The following NLRP10 variants were observed in gnomAD, a reference collection of about 807,000 sequenced individuals.
NLRP10 encodes NACHT, LRR and PYD domains-containing protein 10.
NLRP10 carries 7 observed loss-of-function variants against 8.2 expected under a neutral mutation model. That is an observed-to-expected ratio of 0.85 (90% CI 0.48 to 1.60). NLRP10 has a LOEUF of 1.60. Among genes scored for constraint, NLRP10 ranks in the 40% most tolerant of loss-of-function variants. NLRP10 has a pLI of 0.00. For missense variants in NLRP10, 814 were observed against 776.3 expected, an observed-to-expected ratio of 1.05 and a Z score of -0.58; for synonymous variants, 338 against 314.0, an observed-to-expected ratio of 1.08 and a Z score of -0.81.
At chr11:7,964,905 A>G (rs1941794996) in intron 1 of NLRP10, among the ~76,000 whole-genome samples, 1 of 152,256 alleles carries the variant, frequency 6.6e-6, no homozygotes, top group South Asian at 2.1e-4. Context: ...AACCCATCTC[A>G]GTAGTACAAT....
At chr11:7,963,601 C>G in intron 1 of NLRP10, 61 bp from the exon 2 acceptor site, 1 of 1,019,458 alleles carries the variant, frequency 9.8e-7, no homozygotes, top group Non-Finnish European at 1.4e-6. Context: ...TTTCTGGGGG[C>G]TTGGCCAAGT....
intron 2 of NLRP10, among the ~76,000 whole-genome samples, chr11:7,961,726 A>G (rs998023430): frequency 6.6e-6 from 1 of 152,178 alleles, no homozygotes; most frequent in Non-Finnish European, 1.5e-5. Flanking sequence ...GTTCATGTGA[A>G]ATGTCTCCAT....
At position 7,961,015 on chromosome 11, in the gene NLRP10, C is replaced by T. The variant is rs1163143220; in HGVS notation, c.597G>A (p.Arg199=). ...DWATGTLYPG[R]FDYVFYVSCK... ...AGCTTACATAAAAGACATAATCAAACCGGCCTGGGTACAGAGTACCGGTGG... is the reference window on the plus strand; with the variant it reads ...AGCTTACATAAAAGACATAATCAAATCGGCCTGGGTACAGAGTACCGGTGG... The change falls in exon 3 of 3, where the codon CGG becomes CGA. Residue 199 remains arginine, a synonymous_variant. Transcript: ENST00000691676. The T allele has an allele frequency of 2.5e-6, 4 of 1,614,226 alleles. No homozygotes were observed. Among genetic ancestry groups the T allele is most frequent in the South Asian group, 2.2e-5 (2 of 91,086 alleles).
intron 2 of NLRP10, among the ~76,000 whole-genome samples, chr11:7,961,655 GTGTC>G (rs1477613780): frequency 1.3e-5 from 2 of 152,182 alleles, no homozygotes; most frequent in Non-Finnish European, 2.9e-5. Context: ...CAGCAAGTGT[GTGTC>G]TGTAAGAATA....
At position 7,961,000 on chromosome 11, in the gene NLRP10, A is replaced by C; in HGVS notation, c.612T>G (p.Phe204Leu). ...TLYPGRFDYV[F>L]YVSCKEVVLL... The stretch of plus-strand genomic sequence containing the variant: ...GGACCACTTCTTTGCAGCTTACATA[A>C]AAGACATAATCAAACCGGCCTGGGT... Residue 204 changes from phenylalanine (F) to leucine (L), a missense_variant, in exon 3 of 3, where the codon TTT (phenylalanine) becomes TTG (leucine). Phe to Leu is a conservative substitution (Grantham distance 22). Coordinates refer to ENST00000691676, the MANE Select transcript of NLRP10 (RefSeq NM_001391958.1). The C allele has an allele frequency of 6.2e-7, 1 of 1,614,098 alleles. No homozygotes were observed. Among genetic ancestry groups the C allele is most frequent in the Non-Finnish European group, 8.5e-7 (1 of 1,180,014 alleles).
In NLRP10 at chr11:7,959,930, C is replaced by A; in HGVS notation, c.1682G>T (p.Trp561Leu). 1 of 1,614,098 alleles carries A rather than the reference C, an allele frequency of 6.2e-7. No individual in the cohort carries two copies. The highest frequency in any genetic ancestry group is 1.1e-5 in the South Asian group (1 of 91,078). Reference sequence around the variant, plus strand: ...TTCATACAGGGAGAATTCCAAATCCCAGGTCCTGTTGTGCTTCATAGATTC... The same window carrying A: ...TTCATACAGGGAGAATTCCAAATCCAAGGTCCTGTTGTGCTTCATAGATTC... Reference protein sequence around the residue: ...QMESMKHNRTWDLEFSLYEAK... With the variant: ...QMESMKHNRTLDLEFSLYEAK... Residue 561 changes from tryptophan to leucine, a missense_variant, in exon 3 of 3, where the codon TGG becomes TTG. Physicochemically the swap from Trp to Leu is moderately conservative, Grantham distance 61. Coordinates refer to ENST00000691676, the MANE Select transcript of NLRP10 (RefSeq NM_001391958.1).
At position 7,960,600 on chromosome 11, in the gene NLRP10, A is replaced by C. The variant is rs746190226; in HGVS notation, c.1012T>G (p.Phe338Val). 6.2e-7 allele frequency: 1 copy of C among 1,614,190 alleles called. No homozygotes were observed. The highest frequency in any genetic ancestry group is 8.5e-7 in the Non-Finnish European group (1 of 1,180,032). The change falls in exon 3 of 3, where the codon TTC (phenylalanine) becomes GTC (valine). Residue 338 changes from phenylalanine to valine, a missense_variant. Coordinates refer to ENST00000691676, the MANE Select transcript of NLRP10 (RefSeq NM_001391958.1). ...FTDEKQADRA[F>V]DIVQKNDILY... Reference sequence around the variant, plus strand: ...ATGTCATTTTTCTGTACAATGTCGAAGGCACGGTCAGCTTGCTTCTCATCC... The same window carrying C: ...ATGTCATTTTTCTGTACAATGTCGACGGCACGGTCAGCTTGCTTCTCATCC...
At position 7,963,429 on chromosome 11, in the gene NLRP10, TCTC is replaced by T. The variant is rs1941767404; in HGVS notation, c.64_66del (p.Glu22del). The T allele has an allele frequency of 1.2e-6, 2 of 1,614,102 alleles. No homozygotes were observed. The highest frequency in any genetic ancestry group is 1.7e-6 in the Non-Finnish European group (2 of 1,180,014). On this transcript the variant is annotated inframe_deletion, in exon 2 of 3. Transcript: ENST00000691676. ...TAGAACTTTAACTTCTTGAAATCGT[TCTC>T]CTCAAGGTCACTCAAGGCCCAGAGC...
rs112986837 is a variant in NLRP10, at chr11:7,960,995, A to T, written c.617T>A (p.Val206Glu). The T allele has an allele frequency of 6.7e-4, 1,077 of 1,614,210 alleles. 5 individuals carry two copies. The African/African-American group carries it at 0.012, about 18-fold the overall frequency. Residue 206 changes from valine to glutamate, a missense_variant, in exon 3 of 3, where the codon GTA becomes GAA. Val to Glu is a moderately radical substitution (Grantham distance 121). Coordinates refer to ENST00000691676, the MANE Select transcript of NLRP10 (RefSeq NM_001391958.1). ...CAGCAGGACCACTTCTTTGCAGCTT[A>T]CATAAAAGACATAATCAAACCGGCC... is the stretch of plus-strand genomic sequence containing the variant. ...YPGRFDYVFYVSCKEVVLLLE... is the reference protein window; with the variant it reads ...YPGRFDYVFYESCKEVVLLLE...
At chr11:7,962,294 G>A (rs1260462243) in intron 2 of NLRP10, among the ~76,000 whole-genome samples, 2 of 135,490 alleles carry the variant, frequency 1.5e-5, no homozygotes, top group African/African-American at 5.6e-5. Flanking sequence ...GGAGTGCAGT[G>A]GCGCGATCTC....
Position 7,959,958 on chromosome 11 carries a change from T to C in NLRP10, c.1654A>G (p.Met552Val). The change falls in exon 3 of 3, where the codon ATG becomes GTG. Residue 552 changes from methionine (M) to valine (V), a missense_variant. Coordinates refer to ENST00000691676, the MANE Select transcript of NLRP10 (RefSeq NM_001391958.1). ...GTCCTGTTGTGCTTCATAGATTCCA[T>C]CTGTTCTTTAAAATGCTTCAGATCC... ...AQDLKHFKEQ[M>V]ESMKHNRTWD... The C allele has an allele frequency of 1.2e-6, 2 of 1,614,190 alleles. No individual in the cohort carries two copies. The highest frequency in any genetic ancestry group is 2.2e-5 in the East Asian group (1 of 44,882).
rs1238797399 is a variant in NLRP10 at position 7,960,572 on chromosome 11, A to G, written c.1040T>C (p.Leu347Pro). ...AFDIVQKNDI[L>P]YKACQVPGIC... ...GCCTGGAACCTGACACGCTTTGTAGAGAATGTCATTTTTCTGTACAATGTC... is the reference window on the plus strand; with the variant it reads ...GCCTGGAACCTGACACGCTTTGTAGGGAATGTCATTTTTCTGTACAATGTC... The change falls in exon 3 of 3, where the codon CTC becomes CCC. Residue 347 changes from leucine to proline, a missense_variant. Coordinates refer to ENST00000691676, the MANE Select transcript of NLRP10 (RefSeq NM_001391958.1). 1.9e-6 allele frequency: 3 copies of G among 1,614,032 alleles called. No homozygotes were observed. The highest frequency in any genetic ancestry group is 1.1e-5 in the South Asian group (1 of 91,076).
At chr11:7,963,831 C>T (rs566401771) in intron 1 of NLRP10, among the ~76,000 whole-genome samples, 1 of 151,380 alleles carries the variant, frequency 6.6e-6, no homozygotes, top group Non-Finnish European at 1.5e-5. Flanking sequence ...TCTCTCCCCC[C>T]ACTCCCTTCC....
Position 7,960,493 on chromosome 11 carries a change from A to T in NLRP10, c.1119T>A (p.Val373=). The change falls in exon 3 of 3, where the codon GTT becomes GTA. Residue 373 remains valine (V), a synonymous_variant. Transcript: ENST00000691676. ...WLQGQMERGK[V]VLETPRNSTD... is the part of the protein sequence containing the mutation. ...TGCTGTTTCTAGGTGTCTCTAAGAC[A>T]ACTTTGCCTCTCTCCATCTGCCCCT... The T allele has an allele frequency of 6.2e-7, 1 of 1,614,152 alleles. No individual in the cohort carries two copies. The highest frequency in any genetic ancestry group is 8.5e-7 in the Non-Finnish European group (1 of 1,180,026).
rs61879572 is a variant in NLRP10 at position 7,958,019 on chromosome 11, G to T, written c.*1625C>A. ...CTTTCACTTAGTAGTTGCATTTAAG[G>T]CTTCTCCATATCTTTTCATGTCTTA... On this transcript the variant is annotated 3_prime_UTR_variant, in exon 3 of 3. Coordinates refer to ENST00000691676, the MANE Select transcript of NLRP10 (RefSeq NM_001391958.1). Among the ~76,000 whole-genome samples the T allele has an allele frequency of 2.6e-5, 4 of 152,040 alleles. No homozygotes were observed. The highest frequency in any genetic ancestry group is 4.8e-5 in the African/African-American group (2 of 41,396).
Position 7,963,543 on chromosome 11 carries a change from G to C in NLRP10, c.-45-3C>G. ...GTCCAGACCAGAAGACCAGTGACCT[G>C]GAGAAAGAGGCAAAAGGAGAGGTCC... On this transcript the variant is annotated splice_polypyrimidine_tract_variant and splice_region_variant and intron_variant, in intron 1 of 2. Transcript: ENST00000691676. 1 of 1,535,788 alleles carries C rather than the reference G, an allele frequency of 6.5e-7. No homozygotes were observed. Among genetic ancestry groups the C allele is most frequent in the Non-Finnish European group, 8.8e-7 (1 of 1,136,572 alleles).
chr11:7,963,404 T>G lies in NLRP10; in HGVS notation c.92A>C (p.Tyr31Ser), dbSNP rs1488228037. 6.2e-7 allele frequency: 1 copy of G among 1,614,172 alleles called. No individual in the cohort carries two copies. The highest frequency in any genetic ancestry group is 8.5e-7 in the Non-Finnish European group (1 of 1,180,020). ...CTCAGACAGGGTCATATCCCGTAAG[T>G]AGAACTTTAACTTCTTGAAATCGTT... ...EENDFKKLKF[Y>S]LRDMTLSEGQ... The change falls in exon 2 of 3, where the codon TAC becomes TCC. Residue 31 changes from tyrosine (Y) to serine (S), a missense_variant. Physicochemically the swap from Tyr to Ser is moderately radical, Grantham distance 144 (BLOSUM62 -2). Transcript: ENST00000691676.
intron 2 of NLRP10, 96 bp downstream of exon 2, chr11:7,963,111 G>T: frequency 2.5e-6 from 3 of 1,217,724 alleles, no homozygotes; most frequent in Non-Finnish European, 3.5e-6. Flanking sequence ...GTGACAGAAG[G>T]CATAAGGTAC....
rs765524446 is a variant in NLRP10, at chr11:7,960,253, T to C, written c.1359A>G (p.Gln453=). 23 of 1,614,016 alleles carry C rather than the reference T, an allele frequency of 1.4e-5. No homozygotes were observed. The Admixed American group carries it at 2.0e-4, about 14-fold the overall frequency. ...LAAFLSSNDY[Q]LGLAIKKFYS... ...AGAACTTCTTGATGGCAAGTCCCAA[T>C]TGGTAGTCGTTACTACTCAGGAAAG... Residue 453 remains glutamine, a synonymous_variant, in exon 3 of 3, where the codon CAA becomes CAG. Transcript: ENST00000691676.
Sources: gnomAD v4.1 joint callset for allele counts (sites outside exome capture counted in the v4.1 genomes callset) on GRCh38, gnomAD v4.1.1 for gene constraint, MANE v1.5 for transcripts, NCBI Gene and HGNC (gene_info 2026-07-23, HGNC 2026-07-21) for gene names.